The following SMURF1 variants were observed in gnomAD, a reference collection of about 807,000 sequenced individuals.
SMURF1 encodes SMAD specific E3 ubiquitin protein ligase 1, also known as E3 ubiquitin-protein ligase SMURF1.
Under a neutral mutation model 98.0 loss-of-function variants are expected in SMURF1, and 44 were observed. The observed-to-expected ratio is 0.45, with a 90% CI of 0.35 to 0.58. SMURF1 has a LOEUF of 0.58. Among genes scored for constraint, SMURF1 ranks in the 20% least tolerant of loss-of-function variants. The pLI is 0.00. For synonymous variants in SMURF1, 396 were observed against 374.9 expected, an observed-to-expected ratio of 1.06 and a Z score of -0.65; for missense variants, 687 against 938.4, an observed-to-expected ratio of 0.73 and a Z score of 3.50.
At position 99,042,207 on chromosome 7, in the gene SMURF1, C is replaced by T. The variant is rs1479415533; in HGVS notation, c.1282G>A (p.Glu428Lys). ...AGCCCGTAATAAGGATTCAGCATTT[C>T]ATGGCACAGCAAGTAAAGCCACTCC... ...AREWLYLLCH[E>K]MLNPYYGLFQ... The change falls in exon 12 of 18, where the codon GAA becomes AAA. Residue 428 changes from glutamate to lysine, a missense_variant. By Grantham distance (56) the Glu-to-Lys change is moderately conservative (BLOSUM62 1). Around this residue, in one of 2 missense-constraint regions of SMURF1, gnomAD observed 272 missense variants for 430.0 expected, o/e 0.63. Coordinates refer to ENST00000361368, the MANE Select transcript of SMURF1 (RefSeq NM_181349.3). The T allele has an allele frequency of 2.5e-6, 4 of 1,613,830 alleles. No homozygotes were observed. Among genetic ancestry groups the T allele is most frequent in the Non-Finnish European group, 3.4e-6 (4 of 1,179,932 alleles).
In SMURF1 at chr7:99,040,368, C is replaced by G; in HGVS notation, c.1550+10G>C. 1 of 1,486,944 alleles carries G rather than the reference C, an allele frequency of 6.7e-7. No homozygotes were observed. Among genetic ancestry groups the G allele is most frequent in the South Asian group, 1.4e-5 (1 of 72,242 alleles). 92.1% of individuals were successfully genotyped at this position (1,486,944 alleles called of 1,614,324 possible). A position where few individuals can be genotyped will look rare whatever the true frequency, so the allele number is the denominator to read the frequency against. On this transcript the variant is annotated intron_variant, in intron 13 of 17. Transcript: ENST00000361368. ...CTAAGCCAGGTGACCGGCCGTCAGT[C>G]AATACTTACAGGATCCACACCAAGC...
chr7:99,097,752 C>A (rs775223351), intron 1 of SMURF1, among the ~76,000 whole-genome samples: 5 of 152,154 alleles, frequency 3.3e-5, no homozygotes, highest in African/African-American at 4.8e-5. Flanking sequence ...AAAGCCCAAA[C>A]AGGATAAATG....
chr7:99,142,819 T>G (rs1798160211), intron 1 of SMURF1, among the ~76,000 whole-genome samples: 1 of 133,894 alleles, frequency 7.5e-6, no homozygotes, highest in Non-Finnish European at 1.6e-5. Context: ...GCAAGAGAGA[T>G]GATGGGAAAG....
chr7:99,037,947 C>CA (rs1167068963), intron 14 of SMURF1, among the ~76,000 whole-genome samples: 2 of 152,218 alleles, frequency 1.3e-5, no homozygotes, highest in Non-Finnish European at 2.9e-5. Flanking sequence ...CAGCGTGGCA[C>CA]ACAGACGTGC....
At chr7:99,128,479 C>T (rs1048356905) in intron 1 of SMURF1, among the ~76,000 whole-genome samples, 1 of 152,226 alleles carries the variant, frequency 6.6e-6, no homozygotes, top group Non-Finnish European at 1.5e-5. Context: ...AAATGGCATT[C>T]TCACAAGGCT....
At chr7:99,057,664 G>T (rs773317988) in intron 3 of SMURF1, 113 bp from the exon 4 acceptor site, 3 of 1,268,952 alleles carry the variant, frequency 2.4e-6, no homozygotes, top group Non-Finnish European at 3.1e-6. Flanking sequence ...GAGTGCAGTT[G>T]TGTGATCTCA....
chr7:99,033,661 C>T (rs567057210), intron 16 of SMURF1, among the ~76,000 whole-genome samples: 1 of 152,130 alleles, frequency 6.6e-6, no homozygotes, highest in African/African-American at 2.4e-5. Flanking sequence ...ACTGCTAAGG[C>T]CCCCCCTAAA....
chr7:99,081,036 A>G (rs867673799), intron 1 of SMURF1: 1 of 152,240 alleles, frequency 6.6e-6, no homozygotes, highest in Admixed American at 6.5e-5. Context: ...CTGACCCCCA[A>G]CTCACAATGA....
At chr7:99,077,430 T>C (rs1796489971) in intron 1 of SMURF1, among the ~76,000 whole-genome samples, 1 of 151,852 alleles carries the variant, frequency 6.6e-6, no homozygotes, top group Non-Finnish European at 1.5e-5. Flanking sequence ...CCTCCCGGGT[T>C]CAAGTTATTC....
intron 14 of SMURF1, 69 bp from the exon 15 acceptor site, chr7:99,037,256 G>A: frequency 1.2e-6 from 2 of 1,600,722 alleles, no homozygotes; most frequent in Middle Eastern, 2.1e-4. Flanking sequence ...GTTTTTTTTG[G>A]AGACAGGGTC....
At chr7:99,039,234 T>C (rs2150505696) in intron 13 of SMURF1, among the ~76,000 whole-genome samples, 1 of 151,154 alleles carries the variant, frequency 6.6e-6, no homozygotes, top group South Asian at 2.1e-4. Context: ...TGTTCCTCCC[T>C]TAGAGGCAGC....
chr7:99,110,489 T>C (rs750594742), intron 1 of SMURF1, among the ~76,000 whole-genome samples: 3 of 152,184 alleles, frequency 2.0e-5, no homozygotes, highest in African/African-American at 7.2e-5. Context: ...CGTGAATATA[T>C]GAAAGGACCC....
chr7:99,034,492 C>G (rs1795047786), intron 16 of SMURF1, among the ~76,000 whole-genome samples: 2 of 152,154 alleles, frequency 1.3e-5, no homozygotes, highest in South Asian at 4.1e-4. Context: ...CCCACTCACA[C>G]CTCCTGTTTT....
intron 1 of SMURF1, among the ~76,000 whole-genome samples, chr7:99,062,205 C>G (rs1796049684): frequency 6.6e-6 from 1 of 150,906 alleles, no homozygotes. Flanking sequence ...TCAAGCAATC[C>G]TCTTGCCTCA....
At chr7:99,030,764 A>T in intron 17 of SMURF1, 81 bp from the exon 18 acceptor site, 6 of 941,668 alleles carry the variant, frequency 6.4e-6, no homozygotes, top group South Asian at 1.4e-5. Context: ...GGCAGTGAGA[A>T]GTATATGTGG....
rs372803520 is a variant in SMURF1 at position 99,038,548 on chromosome 7, T to C, written c.1551-23A>G. The C allele has an allele frequency of 1.7e-5, 27 of 1,611,834 alleles. No homozygotes were observed. The Admixed American group carries it at 3.9e-4, about 23-fold the overall frequency. ...TCTCTGTTGAAATAAGACAGAAGGA[T>C]GTAGGTTAGAACTCTGCCACCACGC... On this transcript the variant is annotated intron_variant, in intron 13 of 17. Transcript: ENST00000361368.
At chr7:99,039,003 C>T (rs1795263763) in intron 13 of SMURF1, among the ~76,000 whole-genome samples, 1 of 151,776 alleles carries the variant, frequency 6.6e-6, no homozygotes, top group African/African-American at 2.4e-5. Flanking sequence ...ACCAGCCTGG[C>T]CAACATGGTG....
At chr7:99,043,352 A>C (rs1275077177) in intron 11 of SMURF1, among the ~76,000 whole-genome samples, 3 of 152,316 alleles carry the variant, frequency 2.0e-5, no homozygotes, top group Admixed American at 2.0e-4. Context: ...CATGCAACTG[A>C]AATCTCTCCA....
intron 1 of SMURF1, among the ~76,000 whole-genome samples, chr7:99,084,197 A>G (rs1010165408): frequency 3.9e-5 from 6 of 152,200 alleles, no homozygotes; most frequent in Non-Finnish European, 7.3e-5. Context: ...TCCTTTCTCT[A>G]CACTGCTTAA....
Sources: allele counts gnomAD v4.1 joint callset (sites outside exome capture counted in the v4.1 genomes callset), GRCh38; gene constraint gnomAD v4.1.1; regional missense constraint gnomAD v4.1.1; transcripts MANE v1.5; gene names NCBI Gene and HGNC (gene_info 2026-07-23, HGNC 2026-07-21).